NEBL: variants seen among roughly 807,000 people sequenced by gnomAD.
NEBL encodes nebulette, also known as LIM and SH3 protein 2.
A neutral mutation model predicts 140.2 loss-of-function variants in NEBL; 122 were observed. The ratio of observed to expected loss-of-function variants is 0.87; its 90% confidence interval spans 0.75 to 1.01. The LOEUF (loss-of-function observed/expected upper bound fraction) is 1.01, where lower values mean the gene tolerates loss of function less well. Ranked by LOEUF, NEBL falls within the 50% of genes least tolerant of loss-of-function variation. The probability of loss-of-function intolerance (pLI) is 0.00; values close to 1 mark genes in which losing one functional copy is unlikely to be tolerated. For synonymous variants in NEBL, 436 were observed against 398.9 expected (o/e 1.09, Z -1.11); for missense variants, 1,365 against 1,231.3 (o/e 1.11, Z -1.62).
At chr10:21,015,339 A>G (rs893257087) in intron 3 of NEBL, among the ~76,000 whole-genome samples, 1 of 152,162 alleles carries the variant, frequency 6.6e-6, no homozygotes, top group Non-Finnish European at 1.5e-5. Flanking sequence ...TCAAAATGTC[A>G]TCGGAAGAAC....
intron 3 of NEBL, among the ~76,000 whole-genome samples, chr10:20,996,187 A>G (rs1047389345): frequency 2.0e-5 from 3 of 152,226 alleles, no homozygotes; most frequent in Non-Finnish European, 4.4e-5. Context: ...TTAATGTGCC[A>G]CTACGATGTG....
chr10:20,881,111 C>T (rs1482814011), intron 4 of NEBL, among the ~76,000 whole-genome samples: 3 of 152,132 alleles, frequency 2.0e-5, no homozygotes, highest in Non-Finnish European at 4.4e-5. Context: ...TTGTTTACTT[C>T]AAAATGTCCT....
chr10:20,809,275 GC>G (rs1837904813), intron 25 of NEBL, among the ~76,000 whole-genome samples: 1 of 151,916 alleles, frequency 6.6e-6, no homozygotes. Context: ...TCATTTTTTT[GC>G]CTTTAATTAT....
chr10:20,996,251 G>C (rs562514081), intron 3 of NEBL, among the ~76,000 whole-genome samples: 58 of 152,318 alleles, frequency 3.8e-4, no homozygotes, highest in Non-Finnish European at 7.2e-4. Context: ...TTTTCCCCAG[G>C]GGGTAGGGCA....
At chr10:20,847,625 G>C (rs760832101) in intron 11 of NEBL, among the ~76,000 whole-genome samples, 2 of 152,102 alleles carry the variant, frequency 1.3e-5, no homozygotes, top group East Asian at 1.9e-4. Context: ...AAGAGGGGAG[G>C]GGGTAAAGGG....
intron 4 of NEBL, among the ~76,000 whole-genome samples, chr10:20,950,156 C>A (rs1835388666): frequency 6.6e-6 from 1 of 152,206 alleles, no homozygotes; most frequent in Non-Finnish European, 1.5e-5. Flanking sequence ...AGGCTAACTA[C>A]AAGCCGCAGG....
At chr10:20,926,639 T>C (rs979158251) in intron 4 of NEBL, among the ~76,000 whole-genome samples, 27 of 152,182 alleles carry the variant, frequency 1.8e-4, no homozygotes, top group African/African-American at 5.6e-4. Context: ...TTCATTGGAA[T>C]AGCCAGGGAG....
At chr10:21,061,098 C>T (rs1336522896) in intron 2 of NEBL, among the ~76,000 whole-genome samples, 1 of 151,680 alleles carries the variant, frequency 6.6e-6, no homozygotes, top group Admixed American at 6.6e-5. Context: ...GGCCTTAATC[C>T]AATACAACTG....
intron 2 of NEBL, among the ~76,000 whole-genome samples, chr10:21,074,900 C>T (rs1249912695): frequency 1.3e-5 from 2 of 151,992 alleles, no homozygotes; most frequent in Non-Finnish European, 2.9e-5. Flanking sequence ...AACTCCTGAG[C>T]TCAAGCCATC....
intron 12 of NEBL, among the ~76,000 whole-genome samples, chr10:20,842,210 T>C (rs1427140540): frequency 6.6e-6 from 1 of 152,132 alleles, no homozygotes; most frequent in East Asian, 1.9e-4. Flanking sequence ...GACATTGGAA[T>C]GGACTGTTTT....
intron 1 of NEBL, among the ~76,000 whole-genome samples, chr10:21,282,516 G>GA (rs916922084): frequency 2.1e-4 from 32 of 151,582 alleles, no homozygotes; most frequent in African/African-American, 7.5e-4. Context: ...AGGCAGGGGG[G>GA]AAAAAAAAGA....
At chr10:20,882,496 C>A (rs967799401) in intron 4 of NEBL, among the ~76,000 whole-genome samples, 10 of 152,038 alleles carry the variant, frequency 6.6e-5, no homozygotes, top group Non-Finnish European at 1.3e-4. Context: ...GCTCCTTGGG[C>A]GCATGTCTGT....
chr10:20,914,969 A>ATATTTTTTTTTTTTTT (rs1848480142), intron 4 of NEBL, among the ~76,000 whole-genome samples: 2 of 111,222 alleles, frequency 1.8e-5, no homozygotes, highest in African/African-American at 6.8e-5. Context: ...AGTGGCTGGG[A>ATATTTTTTTTTTTTTT]TTTTTTTTTT....
At chr10:21,057,230 C>T (rs1416672634) in intron 2 of NEBL, among the ~76,000 whole-genome samples, 2 of 151,936 alleles carry the variant, frequency 1.3e-5, no homozygotes, top group Non-Finnish European at 2.9e-5. Flanking sequence ...AGGGAGATGA[C>T]ACCTGGTTGG....
chr10:21,073,900 C>T (rs1835938165), intron 2 of NEBL, among the ~76,000 whole-genome samples: 1 of 152,032 alleles, frequency 6.6e-6, no homozygotes, highest in African/African-American at 2.4e-5. Context: ...CGGTGAAACC[C>T]CGTCTCTACT....
In NEBL at chr10:20,813,767, T is replaced by C. The variant is rs1032947013; in HGVS notation, c.2346+172A>G. 9.1e-5 allele frequency: 56 copies of C among 618,138 alleles called. No individual in the cohort carries two copies. In the Admixed American group the frequency reaches 1.4e-3, roughly 16 times the overall value. The allele number at this position is 618,138 out of a possible 1,614,324, so 38.3% of individuals were successfully genotyped here. ...ACTGAGAAAAATCATTTTATTAGAC[T>C]AAATGTTTCCACTGCATTTCAGTGT... On this transcript the variant is annotated intron_variant, in intron 23 of 27. Coordinates refer to ENST00000377122, the MANE Select transcript of NEBL (RefSeq NM_006393.3).
intron 3 of NEBL, among the ~76,000 whole-genome samples, chr10:21,012,344 G>GTATA (rs1233509562): frequency 2.0e-5 from 3 of 151,758 alleles, no homozygotes; most frequent in Non-Finnish European, 4.4e-5. Context: ...CATTGATTGT[G>GTATA]TATATATATA....
intron 3 of NEBL, among the ~76,000 whole-genome samples, chr10:21,245,858 G>A (rs1251306389): frequency 6.6e-6 from 1 of 152,176 alleles, no homozygotes; most frequent in African/African-American, 2.4e-5. Flanking sequence ...ACTACGCCTG[G>A]CTAATTTTTT....
chr10:21,082,603 C>T (rs2078155), intron 2 of NEBL, among the ~76,000 whole-genome samples: 97,858 of 147,028 alleles, frequency 0.67, 34,043 homozygotes, highest in Middle Eastern at 0.83. Context: ...AATGGTCCAA[C>T]TCAGCAATGG....
Sources: gnomAD v4.1 joint callset for allele counts (sites outside exome capture counted in the v4.1 genomes callset) on GRCh38, gnomAD v4.1.1 for gene constraint, MANE v1.5 for transcripts, NCBI Gene and HGNC (gene_info 2026-07-23, HGNC 2026-07-21) for gene names.